Variants in TASOR2 observed in about 807,000 individuals in gnomAD.
The protein encoded by TASOR2 is protein TASOR 2.
A neutral mutation model predicts 199.5 loss-of-function variants in TASOR2; 84 were observed. The ratio of observed to expected loss-of-function variants is 0.42; its 90% CI spans 0.35 to 0.50. TASOR2 has a LOEUF of 0.50. Ranked by LOEUF, TASOR2 falls within the 20% of genes least tolerant of loss-of-function variation. TASOR2 has a pLI of 0.02. For missense variants in TASOR2, 2,796 were observed against 2,835.9 expected (o/e 0.99, Z 0.32); for synonymous variants, 1,103 against 1,046.6 (o/e 1.05, Z -1.04).
chr10:5,717,672 CAA>C (rs1832826731), exon 3 of TASOR2: 1 of 1,221,636 alleles, frequency 8.2e-7, no homozygotes, highest in Admixed American at 4.2e-5. Flanking sequence ...TATACATTTC[CAA>C]ATACTCCGAC....
intron 1 of TASOR2, among the ~76,000 whole-genome samples, chr10:5,691,476 A>T (rs1836420073): frequency 6.6e-6 from 1 of 152,180 alleles, no homozygotes; most frequent in Non-Finnish European, 1.5e-5. Flanking sequence ...CCAAAAAAAA[A>T]GTTTTTAAAA....
chr10:5,718,650 T>A (rs1246140228), intron 3 of TASOR2, among the ~76,000 whole-genome samples: 9 of 151,794 alleles, frequency 5.9e-5, no homozygotes, highest in Non-Finnish European at 1.2e-4. Context: ...TCCCAGCTAC[T>A]TGGGAGGCTG....
intron 1 of TASOR2, among the ~76,000 whole-genome samples, chr10:5,704,223 CAAAAA>C (rs58311711): frequency 1.5e-5 from 2 of 131,908 alleles, no homozygotes; most frequent in Admixed American, 7.5e-5. Flanking sequence ...GACTCCATCT[CAAAAA>C]AAAAAAAAAA....
In TASOR2 at chr10:5,750,857, C is replaced by T. The variant is rs545032506; in HGVS notation, c.6606+830C>T. 6.6e-6 allele frequency among the ~76,000 whole-genome samples: 1 copy of T among 152,310 alleles called. No individual in the cohort carries two copies. The highest frequency in any genetic ancestry group is 2.4e-5 in the African/African-American group (1 of 41,556). On this transcript the variant is annotated intron_variant, in intron 15 of 20. Coordinates refer to ENST00000328090, the Ensembl canonical transcript of TASOR2. This position sits in a 1 kb window ranked among gnomAD's most constrained non-coding sequence, Gnocchi z 5.4. ...TAATATTAATTAAAGTGACCATCTC[C>T]ATTAACCTCATCTAGGTCTAGGATC...
chr10:5,718,051 G>A (rs973183495), intron 3 of TASOR2, among the ~76,000 whole-genome samples: 7 of 152,142 alleles, frequency 4.6e-5, no homozygotes, highest in African/African-American at 1.4e-4. Context: ...CTTATAAGGT[G>A]ATGTGATTAC....
intron 1 of TASOR2, among the ~76,000 whole-genome samples, chr10:5,709,249 A>C (rs1831612938): frequency 6.6e-6 from 1 of 152,174 alleles, no homozygotes; most frequent in Non-Finnish European, 1.5e-5. Context: ...TCATTTTGAA[A>C]GATTTTTTTT....
rs889000813 is a variant in TASOR2, at chr10:5,719,987, C to T, written c.-99-557C>T. ...TGGCTCTCTTAAATTTAGGGTGATT[C>T]GTATATTTCTTTGATATTGTGATAA... On this transcript the variant is annotated intron_variant, in intron 3 of 20. Coordinates refer to ENST00000328090, the Ensembl canonical transcript of TASOR2. This position sits in a 1 kb window ranked among gnomAD's most constrained non-coding sequence, Gnocchi z 4.1. 5.3e-5 allele frequency among the ~76,000 whole-genome samples: 8 copies of T among 152,020 alleles called. No individual in the cohort carries two copies. The highest frequency in any genetic ancestry group is 4.8e-5 in the African/African-American group (2 of 41,390).
rs376080418 is a variant in TASOR2, at chr10:5,730,647, G to A, written c.648G>A (p.Ala216=). Residue 216 remains alanine, a synonymous_variant, in exon 11 of 21, where the codon GCG becomes GCA. Transcript: ENST00000328090. This position sits in a 1 kb window ranked among gnomAD's most constrained non-coding sequence, Gnocchi z 4.1. The stretch of plus-strand genomic sequence containing the variant: ...GTCATTTCCAAGAATTGTACAAGGC[G>A]GACAGAAGCCCTTCATTGAGTGTTG... The A allele has an allele frequency of 6.3e-5, 101 of 1,614,116 alleles. No homozygotes were observed. In the African/African-American group the frequency reaches 8.5e-4, roughly 14 times the overall value.
chr10:5,693,960 T>G (rs867137154), intron 1 of TASOR2, among the ~76,000 whole-genome samples: 2 of 152,144 alleles, frequency 1.3e-5, no homozygotes, highest in Middle Eastern at 3.4e-3. Context: ...AAAAGTAAAT[T>G]TATAATAATT....
rs1239390256 is a variant in TASOR2, at chr10:5,685,189, C to G, written c.-288+14C>G. 5.0e-6 allele frequency: 2 copies of G among 397,826 alleles called. No homozygotes were observed. The highest frequency in any genetic ancestry group is 8.9e-6 in the Non-Finnish European group (2 of 225,546). 24.6% of individuals were successfully genotyped at this position (397,826 alleles called of 1,614,324 possible). The stretch of plus-strand genomic sequence containing the variant: ...CGCCAAGGACGGGTAAGTCCCTCCT[C>G]GGCCTGGGCGCCCGGGAACCCTGCG... On this transcript the variant is annotated intron_variant, in intron 1 of 20. Coordinates refer to ENST00000328090, the Ensembl canonical transcript of TASOR2. This position sits in a 1 kb window ranked among gnomAD's most constrained non-coding sequence, Gnocchi z 5.4.
rs114019044 is a variant in TASOR2 at position 5,711,772 on chromosome 10, G to A, written c.-287-1051G>A. Among the ~76,000 whole-genome samples the A allele has an allele frequency of 6.8e-3, 1,037 of 152,132 alleles. 19 individuals carry two copies. The highest frequency in any genetic ancestry group is 0.024 in the African/African-American group (990 of 41,514). ...AAAAAGCACCTTCAAAAAATTGTAA[G>A]TACAGCTCTGTTGTATAAAATGAAA... On this transcript the variant is annotated intron_variant, in intron 1 of 20. Coordinates refer to ENST00000328090, the Ensembl canonical transcript of TASOR2.
chr10:5,736,419 G>GA (rs56194741), intron 12 of TASOR2, among the ~76,000 whole-genome samples: 3 of 145,122 alleles, frequency 2.1e-5, no homozygotes, highest in Non-Finnish European at 1.5e-5. Flanking sequence ...CTCCGTCTCA[G>GA]AAAAAAAAAA....
chr10:5,696,069 G>C (rs988229804), intron 1 of TASOR2, among the ~76,000 whole-genome samples: 1 of 152,190 alleles, frequency 6.6e-6, no homozygotes, highest in Non-Finnish European at 1.5e-5. Context: ...TGGTTAAGGT[G>C]GGGGTGAAGC....
At position 5,701,937 on chromosome 10, in the gene TASOR2, G is replaced by A. The variant is rs1426350321; in HGVS notation, c.-287-10886G>A. On this transcript the variant is annotated intron_variant, in intron 1 of 20. Transcript: ENST00000328090. This position sits in a 1 kb window ranked among gnomAD's most constrained non-coding sequence, Gnocchi z 4.9. ...ATTTGACTTCTTCTTTTCTGATTTG[G>A]ATGCCCTCTATTTCTTTCTCTTGCC... is the stretch of plus-strand genomic sequence containing the variant. Among the ~76,000 whole-genome samples the A allele has an allele frequency of 6.6e-6, 1 of 151,946 alleles. No individual in the cohort carries two copies. The highest frequency in any genetic ancestry group is 6.6e-5 in the Admixed American group (1 of 15,246).
chr10:5,739,393 T>C (rs1481178445), intron 12 of TASOR2, among the ~76,000 whole-genome samples: 1 of 152,188 alleles, frequency 6.6e-6, no homozygotes, highest in African/African-American at 2.4e-5. Context: ...AATCTGAGGG[T>C]TGAAAGAGAC....
Position 5,699,867 on chromosome 10 carries a change from C to A in TASOR2, c.-287-12956C>A. On this transcript the variant is annotated intron_variant, in intron 1 of 20. Transcript: ENST00000328090. The surrounding 1 kb of genome is among the most constrained non-coding windows in gnomAD (Gnocchi z 4.1). ...AATAGATGTACACAGTTTTAGGATA[C>A]ATGTGATAATACAGTCATATAATTT... 1 of 420,906 alleles carries A rather than the reference C, an allele frequency of 2.4e-6. No homozygotes were observed. Among genetic ancestry groups the A allele is most frequent in the Non-Finnish European group, 3.2e-6 (1 of 314,140 alleles). 26.1% of individuals were successfully genotyped at this position (420,906 alleles called of 1,614,324 possible).
chr10:5,758,045 A>G (rs1314826031), intron 17 of TASOR2, among the ~76,000 whole-genome samples: 1 of 152,116 alleles, frequency 6.6e-6, no homozygotes, highest in Admixed American at 6.5e-5. Flanking sequence ...TCTGATGTCA[A>G]CACCCCTACC....
At chr10:5,691,026 A>G (rs1035035573) in intron 1 of TASOR2, among the ~76,000 whole-genome samples, 4 of 151,978 alleles carry the variant, frequency 2.6e-5, no homozygotes, top group Non-Finnish European at 5.9e-5. Flanking sequence ...CCCTGTCACT[A>G]CTAAAATACA....
At chr10:5,695,088 G>A (rs1245212960) in intron 1 of TASOR2, among the ~76,000 whole-genome samples, 1 of 152,130 alleles carries the variant, frequency 6.6e-6, no homozygotes. Context: ...AAAAACAATT[G>A]AGAAGTTTCA....
Sources: allele counts gnomAD v4.1 joint callset (sites outside exome capture counted in the v4.1 genomes callset), GRCh38; gene constraint gnomAD v4.1.1; non-coding constraint Gnocchi (gnomAD v3.1); transcripts MANE v1.5; gene names NCBI Gene and HGNC (gene_info 2026-07-23, HGNC 2026-07-21).